Variants in ZCCHC2 observed in about 807,000 individuals in gnomAD.
ZCCHC2 encodes the protein zinc finger CCHC-type containing 2.
ZCCHC2 carries 39 observed loss-of-function variants against 103.6 expected under a neutral mutation model. That is an observed-to-expected ratio of 0.38 (90% CI 0.29 to 0.49). The LOEUF (loss-of-function observed/expected upper bound fraction) is 0.49, where lower values mean the gene tolerates loss of function less well. Among genes scored for constraint, ZCCHC2 ranks in the 20% least tolerant of loss-of-function variants. The probability of loss-of-function intolerance (pLI) is 0.96; values close to 1 mark genes in which losing one functional copy is unlikely to be tolerated. For synonymous variants in ZCCHC2, 687 were observed against 608.9 expected (o/e 1.13, Z -1.89); for missense variants, 1,483 against 1,491.0 (o/e 0.99, Z 0.09).
chr18:62,553,154 T>A (rs1405237378), intron 5 of ZCCHC2, among the ~76,000 whole-genome samples: 3 of 125,730 alleles, frequency 2.4e-5, no homozygotes, highest in African/African-American at 9.5e-5. Context: ...GCCCTTAGAT[T>A]TATGTGTGTG....
At chr18:62,571,667 A>G (rs958521021) in intron 12 of ZCCHC2, among the ~76,000 whole-genome samples, 2 of 152,228 alleles carry the variant, frequency 1.3e-5, no homozygotes, top group African/African-American at 4.8e-5. Flanking sequence ...ACAACGTCTG[A>G]TTGGTAACAC....
At chr18:62,535,587 A>G (rs1187417696) in intron 1 of ZCCHC2, among the ~76,000 whole-genome samples, 1 of 152,156 alleles carries the variant, frequency 6.6e-6, no homozygotes, top group Non-Finnish European at 1.5e-5. Context: ...TCCTCTCTCC[A>G]CGTGGTCCAT....
chr18:62,557,306 A>T (rs1024330411), intron 6 of ZCCHC2, among the ~76,000 whole-genome samples: 4 of 152,224 alleles, frequency 2.6e-5, no homozygotes, highest in Non-Finnish European at 5.9e-5. Context: ...ATGGCAAGGA[A>T]CATTTTTCTT....
intron 6 of ZCCHC2, 101 bp from the exon 7 acceptor site, chr18:62,558,586 C>A: frequency 3.1e-6 from 2 of 645,630 alleles, no homozygotes; most frequent in South Asian, 2.5e-5. Flanking sequence ...CTTCACCACT[C>A]ACCCTCCATT....
chr18:62,554,217 A>G (rs576037383), intron 5 of ZCCHC2, among the ~76,000 whole-genome samples: 26 of 152,318 alleles, frequency 1.7e-4, no homozygotes, highest in Admixed American at 5.9e-4. Context: ...TTAAATTAGT[A>G]GGTCATCATT....
At chr18:62,547,548 T>TG (rs369730691) in intron 4 of ZCCHC2, among the ~76,000 whole-genome samples, 9 of 151,020 alleles carry the variant, frequency 6.0e-5, no homozygotes, top group Non-Finnish European at 7.4e-5. Flanking sequence ...TGGGTTTGTT[T>TG]GTTTTTTTTT....
Position 62,556,222 on chromosome 18 carries a change from T to A in ZCCHC2, c.1333T>A (p.Ser445Thr). ...PILRQLFSSS[S>T]QAFLQSQKVH... ...GTGCAGGCAGCTATTTTCAAGTTCA[T>A]CACAAGCTTTTCTACAAAGTCAGAA... The change falls in exon 6 of 14, where the codon TCA becomes ACA. Residue 445 changes from serine to threonine, a missense_variant. Around this residue, in one of 3 missense-constraint regions of ZCCHC2, gnomAD observed 884 missense variants for 907.5 expected, o/e 0.97. Transcript: ENST00000269499. The A allele has an allele frequency of 6.2e-7, 1 of 1,603,072 alleles. No homozygotes were observed. Among genetic ancestry groups the A allele is most frequent in the South Asian group, 1.1e-5 (1 of 88,572 alleles).
intron 6 of ZCCHC2, 110 bp downstream of exon 6, chr18:62,556,407 G>T (rs80352488): frequency 1.3e-6 from 1 of 796,204 alleles, no homozygotes; most frequent in Admixed American, 3.0e-5. Context: ...AAGGAATAGT[G>T]ACATACATTT....
intron 1 of ZCCHC2, among the ~76,000 whole-genome samples, chr18:62,534,345 C>G (rs181384949): frequency 6.6e-6 from 1 of 151,812 alleles, no homozygotes; most frequent in South Asian, 2.1e-4. Context: ...TATTTGTACT[C>G]CCTGTGTTAA....
At chr18:62,540,882 T>C (rs1915140974) in intron 2 of ZCCHC2, among the ~76,000 whole-genome samples, 1 of 152,200 alleles carries the variant, frequency 6.6e-6, no homozygotes, top group South Asian at 2.1e-4. Flanking sequence ...CTTACCTTGA[T>C]TCTGGTAGCC....
chr18:62,565,182 G>A, intron 11 of ZCCHC2, 86 bp downstream of exon 11: 2 of 995,650 alleles, frequency 2.0e-6, no homozygotes, highest in Non-Finnish European at 3.0e-6. Flanking sequence ...CTGAGCTGTT[G>A]TGTCAAATCC....
chr18:62,572,591 G>A (rs940509406), intron 12 of ZCCHC2, among the ~76,000 whole-genome samples: 1 of 152,186 alleles, frequency 6.6e-6, no homozygotes, highest in Non-Finnish European at 1.5e-5. Flanking sequence ...GGGTGGCTTT[G>A]CTGTTGCTCT....
At position 62,524,313 on chromosome 18, in the gene ZCCHC2, G is replaced by A. The variant is rs1598920858; in HGVS notation, c.889G>A (p.Asp297Asn). The change falls in exon 1 of 14, where the codon GAC (aspartate) becomes AAC (asparagine). Residue 297 changes from aspartate to asparagine, a missense_variant. Around this residue, in one of 3 missense-constraint regions of ZCCHC2, gnomAD observed 568 missense variants for 525.1 expected, o/e 1.08. Coordinates refer to ENST00000269499, the MANE Select transcript of ZCCHC2 (RefSeq NM_017742.6). Reference protein sequence around the residue: ...LRAALRGGPEDAEVEVEPCKF... With the variant: ...LRAALRGGPENAEVEVEPCKF... ...CGCCGCGCTCCGCGGGGGCCCCGAG[G>A]ACGCGGAGGTGGAGGTAGAGCCGTG... 1.3e-6 allele frequency: 2 copies of A among 1,548,400 alleles called. No homozygotes were observed. Among genetic ancestry groups the A allele is most frequent in the Non-Finnish European group, 1.7e-6 (2 of 1,146,276 alleles).
At chr18:62,576,449 CGTAGTG>C in intron 13 of ZCCHC2, 57 bp from the exon 14 acceptor site, 2 of 1,419,700 alleles carry the variant, frequency 1.4e-6, no homozygotes, top group Non-Finnish European at 2.0e-6. Flanking sequence ...ATAGCTTGTA[CGTAGTG>C]GTTTGTGATG....
At position 62,574,849 on chromosome 18, in the gene ZCCHC2, T is replaced by G; in HGVS notation, c.2768T>G (p.Leu923Arg). 1.9e-6 allele frequency: 3 copies of G among 1,613,908 alleles called. No homozygotes were observed. The highest frequency in any genetic ancestry group is 2.5e-6 in the Non-Finnish European group (3 of 1,179,878). ...TCCTACCCCTTACCAGGCTCTCCCC[T>G]TGCTGCCGGCGTGTTACCCAGCCAG... Reference protein sequence around the residue: ...PASYPLPGSPLAAGVLPSQNS... With the variant: ...PASYPLPGSPRAAGVLPSQNS... The change falls in exon 13 of 14, where the codon CTT (leucine) becomes CGT (arginine). Residue 923 changes from leucine (L) to arginine (R), a missense_variant. Leu to Arg is a moderately radical substitution (Grantham distance 102, BLOSUM62 -2). Coordinates refer to ENST00000269499, the MANE Select transcript of ZCCHC2 (RefSeq NM_017742.6).
intron 13 of ZCCHC2, 132 bp from the exon 14 acceptor site, chr18:62,576,380 G>A (rs1916841982): frequency 1.5e-6 from 1 of 663,142 alleles, no homozygotes; most frequent in African/African-American, 1.8e-5. Context: ...TGAGCGGATT[G>A]GCCATTTGGA....
At chr18:62,572,108 G>T (rs912089580) in intron 12 of ZCCHC2, among the ~76,000 whole-genome samples, 1 of 152,140 alleles carries the variant, frequency 6.6e-6, no homozygotes, top group Admixed American at 6.6e-5. Flanking sequence ...ATGAGACAGG[G>T]TCTTGCTGTG....
intron 2 of ZCCHC2, 34 bp downstream of exon 2, chr18:62,539,826 A>G (rs747404209): frequency 9.3e-6 from 14 of 1,506,930 alleles, no homozygotes; most frequent in Admixed American, 5.6e-5. Context: ...TAAAGCATTA[A>G]TACATCAAAA....
chr18:62,583,465 C>T (rs1372908048), downstream of ZCCHC2, among the ~76,000 whole-genome samples: 3 of 152,138 alleles, frequency 2.0e-5, no homozygotes, highest in Admixed American at 6.5e-5. Flanking sequence ...TGAGAAAGCA[C>T]GGTGTAAAAT....
Sources: allele counts gnomAD v4.1 joint callset (sites outside exome capture counted in the v4.1 genomes callset), GRCh38; gene constraint gnomAD v4.1.1; regional missense constraint gnomAD v4.1.1; transcripts MANE v1.5; gene names NCBI Gene and HGNC (gene_info 2026-07-23, HGNC 2026-07-21).